HCN1: variants seen among roughly 807,000 people sequenced by gnomAD.
HCN1 encodes the protein potassium/sodium hyperpolarization-activated cyclic nucleotide-gated channel 1.
A neutral mutation model predicts 78.9 loss-of-function variants in HCN1; 13 were observed. The observed-to-expected ratio is 0.16, with a 90% CI of 0.11 to 0.26. The LOEUF (loss-of-function observed/expected upper bound fraction) is 0.26, where lower values mean the gene tolerates loss of function less well. Ranked by LOEUF, HCN1 falls within the 10% of genes least tolerant of loss-of-function variation. HCN1 has a pLI of 1.00. For missense variants in HCN1, 810 were observed against 1,154.3 expected (o/e 0.70, Z 4.32); for synonymous variants, 552 against 455.5 (o/e 1.21, Z -2.70).
chr5:45,409,174 T>C (rs1225031030), intron 3 of HCN1, among the ~76,000 whole-genome samples: 1 of 152,022 alleles, frequency 6.6e-6, no homozygotes, highest in Non-Finnish European at 1.5e-5. Flanking sequence ...ATTAACAAGC[T>C]CTATATAAAA....
chr5:45,455,430 A>G (rs189645663), intron 3 of HCN1, among the ~76,000 whole-genome samples: 2 of 152,182 alleles, frequency 1.3e-5, no homozygotes, highest in Admixed American at 1.3e-4. Flanking sequence ...GAATAAAAGC[A>G]TGTTAGAATG....
intron 2 of HCN1, among the ~76,000 whole-genome samples, chr5:45,550,438 T>C (rs1346896470): frequency 2.6e-5 from 4 of 152,086 alleles, no homozygotes; most frequent in East Asian, 3.9e-4. Context: ...TAGGTGGGAA[T>C]TGAACAATGA....
At position 45,255,694 on chromosome 5, in the gene HCN1, A is replaced by G. The variant is rs1299984781; in HGVS notation, c.*6227T>C. On this transcript the variant is annotated 3_prime_UTR_variant, in exon 8 of 8. Coordinates refer to ENST00000303230, the MANE Select transcript of HCN1 (RefSeq NM_021072.4). ...AAATATGAGAAAGAAATGAGAATAC[A>G]TTTGGAAAACTCTTTTTGAATCTTT... is the stretch of plus-strand genomic sequence containing the variant. The G allele has an allele frequency of 1.3e-5, 2 of 152,252 alleles. No homozygotes were observed. The highest frequency in any genetic ancestry group is 3.8e-4 in the East Asian group (2 of 5,200). The allele number at this position is 152,252 out of a possible 1,614,324, so 9.4% of individuals were successfully genotyped here. A position where few individuals can be genotyped will look rare whatever the true frequency, so the allele number is the denominator to read the frequency against.
At chr5:45,470,318 G>T (rs1480078798) in intron 2 of HCN1, among the ~76,000 whole-genome samples, 1 of 151,914 alleles carries the variant, frequency 6.6e-6, no homozygotes, top group Non-Finnish European at 1.5e-5. Context: ...CAATAATATT[G>T]CACTACAATT....
At chr5:45,341,845 G>A (rs1466023606) in intron 5 of HCN1, among the ~76,000 whole-genome samples, 1 of 152,150 alleles carries the variant, frequency 6.6e-6, no homozygotes, top group Non-Finnish European at 1.5e-5. Flanking sequence ...CTTCAGCAGA[G>A]TCTTCCACCA....
At chr5:45,420,249 A>G (rs982039187) in intron 3 of HCN1, among the ~76,000 whole-genome samples, 7 of 152,152 alleles carry the variant, frequency 4.6e-5, no homozygotes, top group African/African-American at 1.4e-4. Context: ...ATCCTGTGGC[A>G]CACTACTGAT....
At chr5:45,483,849 A>G (rs1741705940) in intron 2 of HCN1, among the ~76,000 whole-genome samples, 1 of 152,144 alleles carries the variant, frequency 6.6e-6, no homozygotes, top group South Asian at 2.1e-4. Flanking sequence ...CTAGCCAGTT[A>G]TCCTAGCACT....
At chr5:45,295,953 T>G (rs1579787206) in intron 6 of HCN1, among the ~76,000 whole-genome samples, 1 of 152,066 alleles carries the variant, frequency 6.6e-6, no homozygotes, top group Non-Finnish European at 1.5e-5. Flanking sequence ...CTGCCTTACA[T>G]TATCTTCTTT....
intron 7 of HCN1, 82 bp downstream of exon 7, chr5:45,267,007 C>T: frequency 8.4e-7 from 1 of 1,188,596 alleles, no homozygotes; most frequent in Non-Finnish European, 1.3e-6. Context: ...CCACTCCCCA[C>T]TGCATTTGGG....
chr5:45,563,570 C>G (rs1743649328), intron 2 of HCN1, among the ~76,000 whole-genome samples: 1 of 152,078 alleles, frequency 6.6e-6, no homozygotes, highest in Admixed American at 6.5e-5. Flanking sequence ...ATAAGACTTA[C>G]AATAGAATTC....
At chr5:45,468,637 G>C (rs1049672048) in intron 2 of HCN1, among the ~76,000 whole-genome samples, 1 of 151,982 alleles carries the variant, frequency 6.6e-6, no homozygotes, top group Non-Finnish European at 1.5e-5. Flanking sequence ...TTTATGAAAA[G>C]TGTGTTTTTT....
At chr5:45,465,511 C>T (rs758345836) in intron 2 of HCN1, among the ~76,000 whole-genome samples, 1 of 152,066 alleles carries the variant, frequency 6.6e-6, no homozygotes, top group Non-Finnish European at 1.5e-5. Context: ...AATCCTAGCA[C>T]TGTGGGAGGC....
chr5:45,477,432 C>T (rs1741543494), intron 2 of HCN1, among the ~76,000 whole-genome samples: 1 of 151,946 alleles, frequency 6.6e-6, no homozygotes, highest in African/African-American at 2.4e-5. Context: ...AGTATGAGCA[C>T]TTTTAAAGTC....
At chr5:45,612,784 T>G (rs1744864093) in intron 2 of HCN1, among the ~76,000 whole-genome samples, 1 of 152,108 alleles carries the variant, frequency 6.6e-6, no homozygotes, top group Admixed American at 6.6e-5. Flanking sequence ...CCCCATTCTG[T>G]TTTCAAAAAG....
In HCN1 at chr5:45,288,166, CTGACAAT is replaced by C. The variant is rs1181373238; in HGVS notation, c.1618+15426_1618+15432del. ...TTCAAGGAGCTTCACAGTCCAAGGT[CTGACAAT>C]TTCTACTTTATTTCACTATCCACGA... On this transcript the variant is annotated intron_variant, in intron 6 of 7. Transcript: ENST00000303230. Among the ~76,000 whole-genome samples the C allele has an allele frequency of 5.3e-5, 8 of 151,992 alleles. No individual in the cohort carries two copies. In the East Asian group the frequency reaches 1.6e-3, roughly 30 times the overall value.
intron 4 of HCN1, among the ~76,000 whole-genome samples, chr5:45,376,062 TATA>T (rs1176515346): frequency 2.7e-5 from 3 of 110,876 alleles, no homozygotes; most frequent in African/African-American, 3.8e-5. Flanking sequence ...TTATATACAA[TATA>T]ATATGTTATA....
chr5:45,391,276 T>TCC (rs1181377558), intron 4 of HCN1, among the ~76,000 whole-genome samples: 1 of 152,130 alleles, frequency 6.6e-6, no homozygotes, highest in Non-Finnish European at 1.5e-5. Flanking sequence ...ACATTTTTTA[T>TCC]TTAAGTACTC....
chr5:45,332,174 T>C (rs1025510066), intron 5 of HCN1, among the ~76,000 whole-genome samples: 1 of 151,486 alleles, frequency 6.6e-6, no homozygotes, highest in African/African-American at 2.4e-5. Flanking sequence ...ATCTTTCTAA[T>C]CTTTTCTTAA....
chr5:45,505,290 A>G (rs1363905187), intron 2 of HCN1, among the ~76,000 whole-genome samples: 12 of 150,834 alleles, frequency 8.0e-5, no homozygotes, highest in Non-Finnish European at 1.3e-4. Context: ...AAGGTGTAAG[A>G]AAGGGATCCA....
Sources: gnomAD v4.1 joint callset for allele counts (sites outside exome capture counted in the v4.1 genomes callset) on GRCh38, gnomAD v4.1.1 for gene constraint, MANE v1.5 for transcripts, NCBI Gene and HGNC (gene_info 2026-07-23, HGNC 2026-07-21) for gene names.